AIDA: variants seen among roughly 807,000 people sequenced by gnomAD.
AIDA encodes the protein axin interactor, dorsalization-associated protein.
AIDA carries 18 observed loss-of-function variants against 42.7 expected under a neutral mutation model. The ratio of observed to expected loss-of-function variants is 0.42; its 90% confidence interval spans 0.29 to 0.63. The LOEUF (loss-of-function observed/expected upper bound fraction) is 0.63, where lower values mean the gene tolerates loss of function less well. Ranked by LOEUF, AIDA falls within the 20% of genes least tolerant of loss-of-function variation. The probability of loss-of-function intolerance (pLI) is 0.19; values close to 1 mark genes in which losing one functional copy is unlikely to be tolerated. For synonymous variants in AIDA, 104 were observed against 122.9 expected (o/e 0.85, Z 1.02); for missense variants, 250 against 354.1 (o/e 0.71, Z 2.36).
At chr1:222,705,821 G>A (rs1319166484) in intron 1 of AIDA, among the ~76,000 whole-genome samples, 2 of 151,858 alleles carry the variant, frequency 1.3e-5, no homozygotes, top group East Asian at 1.9e-4. Context: ...GAGGCAAAGG[G>A]TGCAGTGAGC....
intron 1 of AIDA, among the ~76,000 whole-genome samples, chr1:222,704,566 C>T (rs776202428): frequency 3.3e-5 from 5 of 151,970 alleles, no homozygotes; most frequent in African/African-American, 4.8e-5. Context: ...AAAGATTATA[C>T]GTTATATGAT....
intron 7 of AIDA, among the ~76,000 whole-genome samples, chr1:222,673,712 A>G (rs971802843): frequency 6.6e-6 from 1 of 151,830 alleles, no homozygotes; most frequent in Non-Finnish European, 1.5e-5. Context: ...CAGGAGGCGG[A>G]GCTTGCAGTG....
intron 8 of AIDA, among the ~76,000 whole-genome samples, chr1:222,671,235 GA>G (rs1664443734): frequency 6.6e-6 from 1 of 151,642 alleles, no homozygotes; most frequent in African/African-American, 2.4e-5. Context: ...CTCAAAAAAA[GA>G]AAAAAATAAG....
At chr1:222,700,387 G>A (rs1655657025) in intron 2 of AIDA, among the ~76,000 whole-genome samples, 1 of 152,228 alleles carries the variant, frequency 6.6e-6, no homozygotes. Flanking sequence ...GCAAGAGCAA[G>A]ACTCCCAGTC....
At chr1:222,699,835 G>T (rs1370124918) in intron 2 of AIDA, among the ~76,000 whole-genome samples, 5 of 151,180 alleles carry the variant, frequency 3.3e-5, no homozygotes, top group Non-Finnish European at 7.4e-5. Flanking sequence ...GCAGTGGTGC[G>T]ATCTCGGCTC....
chr1:222,689,475 G>GTGTA (rs1426519923), intron 4 of AIDA, among the ~76,000 whole-genome samples: 2 of 32,782 alleles, frequency 6.1e-5, no homozygotes, highest in Non-Finnish European at 9.4e-5. Flanking sequence ...ATGTATGTGT[G>GTGTA]TGTGTGTATA....
At chr1:222,670,340 A>G in intron 8 of AIDA, 90 bp from the exon 9 acceptor site, 1 of 998,712 alleles carries the variant, frequency 1.0e-6, no homozygotes, top group Non-Finnish European at 1.5e-6. Flanking sequence ...GCATATGAAC[A>G]GCTACAGCTG....
At chr1:222,687,552 G>A (rs775362134) in intron 5 of AIDA, 43 bp downstream of exon 5, 2 of 1,427,976 alleles carry the variant, frequency 1.4e-6, no homozygotes, top group Non-Finnish European at 1.9e-6. Context: ...TGAAAGAGAG[G>A]TATAAAATAA....
chr1:222,692,868 G>A (rs1423717188), intron 4 of AIDA, among the ~76,000 whole-genome samples: 1 of 152,112 alleles, frequency 6.6e-6, no homozygotes, highest in East Asian at 1.9e-4. Context: ...CAAATTAAAT[G>A]TATTTTCACC....
chr1:222,669,788 A>G lies in AIDA; in HGVS notation c.*105T>C. 9.7e-7 allele frequency: 1 copy of G among 1,025,712 alleles called. No homozygotes were observed. Among genetic ancestry groups the G allele is most frequent in the Non-Finnish European group, 1.4e-6 (1 of 700,436 alleles). The allele number at this position is 1,025,712 out of a possible 1,614,324, so 63.5% of individuals were successfully genotyped here. ...CTCCGTCCGGCCTACTGGTCTGGGT[A>G]CGGCTTGCTTCCTGCCTGTTGAAGG... is the stretch of plus-strand genomic sequence containing the variant. On this transcript the variant is annotated 3_prime_UTR_variant, in exon 10 of 10. Coordinates refer to ENST00000340020, the MANE Select transcript of AIDA (RefSeq NM_022831.4).
chr1:222,682,158 A>C (rs1044451566), intron 6 of AIDA, among the ~76,000 whole-genome samples: 10 of 152,036 alleles, frequency 6.6e-5, no homozygotes, highest in African/African-American at 2.4e-4. Flanking sequence ...TTTTTGTCTT[A>C]TTATTTCTGC....
chr1:222,673,349 T>A lies in AIDA; in HGVS notation c.670A>T (p.Ile224Phe). The A allele has an allele frequency of 6.2e-7, 1 of 1,610,140 alleles. No homozygotes were observed. Among genetic ancestry groups the A allele is most frequent in the Non-Finnish European group, 8.5e-7 (1 of 1,177,954 alleles). Residue 224 changes from isoleucine (I) to phenylalanine (F), a missense_variant, in exon 8 of 10, where the codon ATT (isoleucine) becomes TTT (phenylalanine). This residue lies in a region of AIDA where 199 missense variants were observed against 232.6 expected (regional missense o/e 0.86). Coordinates refer to ENST00000340020, the MANE Select transcript of AIDA (RefSeq NM_022831.4). ...EDTYVHFNVD[I>F]ELQKHVEKLT... The stretch of plus-strand genomic sequence containing the variant: ...TTTTCAACATGCTTCTGGAGCTCAA[T>A]GTCCACATTAAAATGAACATATGTA...
At chr1:222,674,707 C>T (rs1664514379) in intron 7 of AIDA, among the ~76,000 whole-genome samples, 1 of 152,082 alleles carries the variant, frequency 6.6e-6, no homozygotes, top group Non-Finnish European at 1.5e-5. Context: ...ATTTCCTGGA[C>T]CCAGGAATCT....
Position 222,669,933 on chromosome 1 carries a change from G to T in AIDA, c.881C>A (p.Pro294Gln). 1 of 1,612,932 alleles carries T rather than the reference G, an allele frequency of 6.2e-7. No homozygotes were observed. Residue 294 changes from proline (P) to glutamine (Q), a missense_variant, in exon 10 of 10, where the codon CCA becomes CAA. Physicochemically the swap from Pro to Gln is moderately conservative, Grantham distance 76 (BLOSUM62 -1). Transcript: ENST00000340020. ...AGTTTGATGTAGATGAAGATAAAGT[G>T]GTTTCTTGGTCAATAATTGCAATTT... ...RKKLQLLTKK[P>Q]LYLHLHQTLH...
intron 6 of AIDA, among the ~76,000 whole-genome samples, chr1:222,681,991 T>A (rs1023980123): frequency 2.6e-5 from 4 of 152,172 alleles, no homozygotes; most frequent in Non-Finnish European, 4.4e-5. Flanking sequence ...CATTGACTAG[T>A]TCTGTGTGTG....
chr1:222,701,800 T>C (rs1202254933), intron 2 of AIDA, among the ~76,000 whole-genome samples: 1 of 152,352 alleles, frequency 6.6e-6, no homozygotes, highest in East Asian at 1.9e-4. Flanking sequence ...CTCAGCTCAC[T>C]GCAACCTCTG....
chr1:222,690,849 T>C (rs1489212238), intron 4 of AIDA, among the ~76,000 whole-genome samples: 2 of 152,192 alleles, frequency 1.3e-5, no homozygotes, highest in Non-Finnish European at 2.9e-5. Context: ...ATTCATTCTC[T>C]TTCTTTCTTC....
rs534360684 is a variant in AIDA, at chr1:222,676,338, G to C, written c.461-120C>G. On this transcript the variant is annotated intron_variant, in intron 6 of 9. Transcript: ENST00000340020. The stretch of plus-strand genomic sequence containing the variant: ...TTAGTAACTAGCCAGGCATTATTTT[G>C]GTTCCCGAAACTCCCAAACGCTTGG... The C allele has an allele frequency of 1.0e-4, 122 of 1,218,794 alleles. No individual in the cohort carries two copies. The Admixed American group carries it at 1.5e-3, about 15-fold the overall frequency. The allele number at this position is 1,218,794 out of a possible 1,614,324, so 75.5% of individuals were successfully genotyped here.
intron 4 of AIDA, among the ~76,000 whole-genome samples, chr1:222,692,938 G>T (rs1655407969): frequency 6.6e-6 from 1 of 152,132 alleles, no homozygotes. Flanking sequence ...GAATACATCA[G>T]CAAAACAACC....
Sources: gnomAD v4.1 joint callset for allele counts (sites outside exome capture counted in the v4.1 genomes callset) on GRCh38, gnomAD v4.1.1 for gene constraint, gnomAD v4.1.1 regional missense constraint, MANE v1.5 for transcripts, NCBI Gene and HGNC (gene_info 2026-07-23, HGNC 2026-07-21) for gene names.